The following NPSR1 variants were observed in gnomAD, a reference collection of about 807,000 sequenced individuals.
The protein encoded by NPSR1 is neuropeptide S receptor 1.
NPSR1 carries 48 observed loss-of-function variants against 46.9 expected under a neutral mutation model. That is an observed-to-expected ratio of 1.02 (90% CI 0.81 to 1.30). The LOEUF is 1.30. NPSR1 is among the 50% of genes most tolerant of loss of function. The pLI, the probability that NPSR1 is intolerant of heterozygous loss-of-function variation, is 0.00. For synonymous variants in NPSR1, 176 were observed against 168.1 expected (o/e 1.05, Z -0.36); for missense variants, 450 against 449.5 (o/e 1.00, Z -0.01).
At chr7:34,826,413 C>T (rs528117258) in intron 4 of NPSR1, among the ~76,000 whole-genome samples, 8 of 152,250 alleles carry the variant, frequency 5.3e-5, no homozygotes, top group South Asian at 2.1e-4. Context: ...AACACACTGT[C>T]GAACAACACC....
chr7:34,773,633 G>A lies in NPSR1; in HGVS notation c.281-4829G>A, dbSNP rs773874280. Reference sequence around the variant, plus strand: ...TCCTGAAGACCTAGTAACCTATTGAGGGCTCCTTGTTGGTCTCTCTTGTTA... The same window carrying A: ...TCCTGAAGACCTAGTAACCTATTGAAGGCTCCTTGTTGGTCTCTCTTGTTA... On this transcript the variant is annotated intron_variant, in intron 2 of 8. Coordinates refer to ENST00000360581, the MANE Select transcript of NPSR1 (RefSeq NM_207172.2). Among the ~76,000 whole-genome samples, 51 of 152,118 alleles carry A rather than the reference G, an allele frequency of 3.4e-4. 1 individual carries two copies. Among genetic ancestry groups the A allele is most frequent in the Admixed American group, 9.8e-4 (15 of 15,262 alleles).
chr7:34,718,301 TG>T (rs1425014363), intron 2 of NPSR1, among the ~76,000 whole-genome samples: 1 of 152,238 alleles, frequency 6.6e-6, no homozygotes, highest in Non-Finnish European at 1.5e-5. Context: ...CTTCGATGCT[TG>T]TTTCCATTCA....
chr7:34,762,207 G>A (rs1786209709), intron 2 of NPSR1, among the ~76,000 whole-genome samples: 1 of 152,172 alleles, frequency 6.6e-6, no homozygotes, highest in Non-Finnish European at 1.5e-5. Flanking sequence ...TCTGTGAAGA[G>A]AGTGCTCTAA....
chr7:34,759,759 T>A (rs1269042005), intron 2 of NPSR1, among the ~76,000 whole-genome samples: 1 of 152,168 alleles, frequency 6.6e-6, no homozygotes, highest in Non-Finnish European at 1.5e-5. Context: ...CAGGAAGCAG[T>A]CCTGGGGCAT....
chr7:34,831,410 A>G (rs1326115921), intron 5 of NPSR1, among the ~76,000 whole-genome samples: 4 of 151,992 alleles, frequency 2.6e-5, no homozygotes, highest in African/African-American at 9.7e-5. Context: ...AGTTTTTGGC[A>G]TATGATAGCT....
intron 5 of NPSR1, among the ~76,000 whole-genome samples, chr7:34,832,539 A>G (rs1479962664): frequency 1.2e-4 from 18 of 152,166 alleles, no homozygotes; most frequent in Admixed American, 1.2e-3. Context: ...ACACACAGCA[A>G]CGCAGATGTC....
In NPSR1 at chr7:34,741,810, C is replaced by T. The variant is rs112942442; in HGVS notation, c.281-36652C>T. Among the ~76,000 whole-genome samples, 212 of 152,296 alleles carry T rather than the reference C, an allele frequency of 1.4e-3. 3 individuals carry two copies. The highest frequency in any genetic ancestry group is 4.5e-3 in the African/African-American group (188 of 41,570). On this transcript the variant is annotated intron_variant, in intron 2 of 8. Transcript: ENST00000360581. ...CCATTACTCTGGGGAAGAGGGGTGA[C>T]AAGCAGGCAATTTTAAATTCTCTAA...
At chr7:34,749,303 T>C (rs1290717738) in intron 2 of NPSR1, among the ~76,000 whole-genome samples, 1 of 152,218 alleles carries the variant, frequency 6.6e-6, no homozygotes, top group Non-Finnish European at 1.5e-5. Flanking sequence ...CTCTTGATTC[T>C]CTAGCTCCTT....
chr7:34,719,190 G>A (rs1013518696), intron 2 of NPSR1: 1 of 152,348 alleles, frequency 6.6e-6, no homozygotes, highest in African/African-American at 2.4e-5. Context: ...ATAACTGCCT[G>A]TAGGAGGATT....
chr7:34,875,060 T>C (rs765093218), intron 8 of NPSR1, among the ~76,000 whole-genome samples: 1 of 152,226 alleles, frequency 6.6e-6, no homozygotes, highest in Non-Finnish European at 1.5e-5. Context: ...TACAATCAGG[T>C]ATATTCTATT....
rs186155866 is a variant in NPSR1 at position 34,668,211 on chromosome 7, T to C, written c.147+9652T>C. Among the ~76,000 whole-genome samples the C allele has an allele frequency of 1.5e-3, 231 of 152,300 alleles. 1 individual carries two copies. The highest frequency in any genetic ancestry group is 4.8e-3 in the African/African-American group (198 of 41,580). On this transcript the variant is annotated intron_variant, in intron 1 of 8. Transcript: ENST00000360581. The stretch of plus-strand genomic sequence containing the variant: ...GAAGGTGTTCACACAAGGAGCATTA[T>C]TCACAAGTCATAATTTAATAAAAAA...
At chr7:34,854,986 T>C (rs1355404381) in intron 8 of NPSR1, among the ~76,000 whole-genome samples, 1 of 152,100 alleles carries the variant, frequency 6.6e-6, no homozygotes, top group Non-Finnish European at 1.5e-5. Flanking sequence ...AGTAAGAGGA[T>C]AACTAGAAAA....
chr7:34,737,371 A>C (rs1416612943), intron 2 of NPSR1, among the ~76,000 whole-genome samples: 1 of 151,752 alleles, frequency 6.6e-6, no homozygotes, highest in Non-Finnish European at 1.5e-5. Flanking sequence ...GAAAAAGAAG[A>C]AGCTTATTCA....
chr7:34,710,917 A>G, intron 2 of NPSR1: 1 of 397,688 alleles, frequency 2.5e-6, no homozygotes, highest in Admixed American at 3.2e-5. Context: ...TGAAAAAGTG[A>G]AACACTATCA....
At chr7:34,850,054 A>C, downstream of NPSR1, 1 of 924,244 alleles carries the variant, frequency 1.1e-6, no homozygotes, top group African/African-American at 1.8e-5. Context: ...TAAAAGACTT[A>C]ATTAAGCCCA....
chr7:34,827,638 T>TGGGGGGGGGGGGGGG, intron 5 of NPSR1, 36 bp downstream of exon 5: 1 of 179,986 alleles, frequency 5.6e-6, no homozygotes, highest in Non-Finnish European at 1.1e-5. Flanking sequence ...CACGGGGGGG[T>TGGGGGGGGGGGGGGG]GGGGCGGGGG....
chr7:34,808,098 G>A (rs1788798646), intron 3 of NPSR1, among the ~76,000 whole-genome samples: 2 of 152,112 alleles, frequency 1.3e-5, no homozygotes, highest in Non-Finnish European at 2.9e-5. Context: ...AGAGGAAAAG[G>A]CAGAGCTTGG....
intron 2 of NPSR1, chr7:34,719,539 T>C (rs1366351420): frequency 1.3e-5 from 2 of 152,202 alleles, no homozygotes; most frequent in Non-Finnish European, 2.9e-5. Context: ...TGACATGCTG[T>C]CTCTATGCAC....
rs375118842 is a variant in NPSR1 at position 34,827,532 on chromosome 7, G to A, written c.610G>A (p.Asp204Asn). The A allele has an allele frequency of 1.1e-5, 18 of 1,608,958 alleles. No homozygotes were observed. The highest frequency in any genetic ancestry group is 2.2e-5 in the East Asian group (1 of 44,550). ...GCAGTGCTGGGCCCTGTGGCCTGAC[G>A]ACTCCTACTGGACCCCATACATGAC... is the stretch of plus-strand genomic sequence containing the variant. ...EVQCWALWPD[D>N]SYWTPYMTIV... Residue 204 changes from aspartate (D) to asparagine (N), a missense_variant, in exon 5 of 9, where the codon GAC becomes AAC. Physicochemically the swap from Asp to Asn is conservative, Grantham distance 23. Coordinates refer to ENST00000360581, the MANE Select transcript of NPSR1 (RefSeq NM_207172.2).
Sources: gnomAD v4.1 joint callset for allele counts (sites outside exome capture counted in the v4.1 genomes callset) on GRCh38, gnomAD v4.1.1 for gene constraint, MANE v1.5 for transcripts, NCBI Gene and HGNC (gene_info 2026-07-23, HGNC 2026-07-21) for gene names.